Variants in DGCR2 observed in about 807,000 individuals in gnomAD.
The protein encoded by DGCR2 is integral membrane protein DGCR2/IDD.
DGCR2 carries 24 observed loss-of-function variants against 51.6 expected under a neutral mutation model. The observed-to-expected ratio is 0.47, with a 90% confidence interval of 0.34 to 0.65. DGCR2 has a LOEUF of 0.65. DGCR2 is among the 30% of genes least tolerant of loss of function. The probability of loss-of-function intolerance (pLI) is 0.01; values close to 1 mark genes in which losing one functional copy is unlikely to be tolerated. For synonymous variants in DGCR2, 340 were observed against 315.4 expected (o/e 1.08, Z -0.82); for missense variants, 765 against 772.1 (o/e 0.99, Z 0.11).
At chr22:19,041,395 G>T in intron 8 of DGCR2, 101 bp from the exon 9 acceptor site, 1 of 1,172,070 alleles carries the variant, frequency 8.5e-7, no homozygotes, top group Non-Finnish European at 1.2e-6. Flanking sequence ...TGCCGTCCCT[G>T]AGTGCACACA....
At chr22:19,090,199 C>T (rs2146014564) in intron 1 of DGCR2, among the ~76,000 whole-genome samples, 1 of 152,242 alleles carries the variant, frequency 6.6e-6, no homozygotes, top group East Asian at 1.9e-4. Context: ...AAAAAATGTG[C>T]AAATCATCAG....
intron 2 of DGCR2, among the ~76,000 whole-genome samples, chr22:19,084,128 T>C (rs1278023900): frequency 2.0e-5 from 3 of 152,124 alleles, no homozygotes; most frequent in Non-Finnish European, 4.4e-5. Flanking sequence ...TTGCAGCCTC[T>C]GCCCGGCCAC....
intron 1 of DGCR2, among the ~76,000 whole-genome samples, chr22:19,118,374 CAAAAAAAAAAAAAA>C (rs923572855): frequency 2.8e-4 from 16 of 56,766 alleles, no homozygotes; most frequent in African/African-American, 1.0e-3. Flanking sequence ...CCATCGCAAA[CAAAAAAAAAAAAAA>C]AAAAAAAAAA....
At chr22:19,101,335 G>A (rs1037738095) in intron 1 of DGCR2, among the ~76,000 whole-genome samples, 4 of 152,146 alleles carry the variant, frequency 2.6e-5, no homozygotes, top group Non-Finnish European at 5.9e-5. Flanking sequence ...TGACAGATGG[G>A]AGGATAAATA....
chr22:19,104,311 C>T (rs2083238903), intron 1 of DGCR2, among the ~76,000 whole-genome samples: 1 of 152,174 alleles, frequency 6.6e-6, no homozygotes, highest in Non-Finnish European at 1.5e-5. Context: ...TAGAAACCCA[C>T]GAGTCTCTGC....
chr22:19,105,784 G>A (rs2083255478), intron 1 of DGCR2, among the ~76,000 whole-genome samples: 1 of 152,160 alleles, frequency 6.6e-6, no homozygotes. Flanking sequence ...ACAGTGCACA[G>A]ACCATCCCAG....
chr22:19,056,842 C>T, intron 6 of DGCR2, 144 bp downstream of exon 6: 1 of 925,414 alleles, frequency 1.1e-6, no homozygotes, highest in Non-Finnish European at 1.6e-6. Context: ...CAAATGGGCC[C>T]CAAGAACAAG....
intron 1 of DGCR2, among the ~76,000 whole-genome samples, chr22:19,093,268 G>A (rs1449623795): frequency 2.6e-5 from 4 of 151,912 alleles, no homozygotes; most frequent in Non-Finnish European, 4.4e-5. Context: ...GCTGAGGCAG[G>A]AGAATCGCTT....
intron 6 of DGCR2, among the ~76,000 whole-genome samples, chr22:19,052,390 T>C (rs2082557452): frequency 6.6e-6 from 1 of 150,702 alleles, no homozygotes. Flanking sequence ...CACTCCAGCC[T>C]GGGCAACAGA....
At chr22:19,067,734 A>C (rs544412743) in intron 3 of DGCR2, among the ~76,000 whole-genome samples, 2 of 151,814 alleles carry the variant, frequency 1.3e-5, no homozygotes, top group East Asian at 3.9e-4. Flanking sequence ...ATAAATAAGG[A>C]GTCGAGCCTT....
intron 5 of DGCR2, among the ~76,000 whole-genome samples, chr22:19,058,545 T>G (rs982896253): frequency 2.0e-5 from 3 of 152,154 alleles, no homozygotes; most frequent in African/African-American, 7.2e-5. Flanking sequence ...CTCACCTAAG[T>G]AGAGCCCCTC....
At chr22:19,109,622 G>T (rs1462006324) in intron 1 of DGCR2, among the ~76,000 whole-genome samples, 1 of 152,178 alleles carries the variant, frequency 6.6e-6, no homozygotes, top group Non-Finnish European at 1.5e-5. Flanking sequence ...TGGAGAGAGA[G>T]ATAAAAGGGA....
In DGCR2 at chr22:19,041,249, C is replaced by A. The variant is rs762065806; in HGVS notation, c.1205G>T (p.Gly402Val). Residue 402 changes from glycine (G) to valine (V), a missense_variant, in exon 9 of 10, where the codon GGC becomes GTC. Physicochemically the swap from Gly to Val is moderately radical, Grantham distance 109. Coordinates refer to ENST00000263196, the MANE Select transcript of DGCR2 (RefSeq NM_005137.3). ...GAGGCCCGTGCCAAACCCGTCTGGG[C>A]CGTAATCAAAGCCAGGGATCCTGCG... ...LGRRIPGFDY[G>V]PDGFGTGLTP... 8 of 1,613,954 alleles carry A rather than the reference C, an allele frequency of 5.0e-6. No individual in the cohort carries two copies. Among genetic ancestry groups the A allele is most frequent in the Non-Finnish European group, 5.9e-6 (7 of 1,180,008 alleles).
chr22:19,093,280 A>C (rs545596812), intron 1 of DGCR2, among the ~76,000 whole-genome samples: 6 of 152,046 alleles, frequency 3.9e-5, no homozygotes, highest in African/African-American at 1.4e-4. Flanking sequence ...GAATCGCTTG[A>C]ATCTGGGAGG....
intron 2 of DGCR2, among the ~76,000 whole-genome samples, chr22:19,085,552 G>T (rs889788977): frequency 2.0e-5 from 3 of 152,202 alleles, no homozygotes; most frequent in African/African-American, 7.2e-5. Context: ...CTGCCAGGTG[G>T]TTCTGAGTGC....
intron 1 of DGCR2, among the ~76,000 whole-genome samples, chr22:19,114,209 A>C (rs2083349695): frequency 6.6e-6 from 1 of 152,050 alleles, no homozygotes; most frequent in Admixed American, 6.6e-5. Context: ...ATCTCAAAAT[A>C]AGTTAAATAC....
intron 2 of DGCR2, 111 bp from the exon 3 acceptor site, chr22:19,068,336 G>C (rs936324659): frequency 2.3e-6 from 3 of 1,302,624 alleles, no homozygotes; most frequent in African/African-American, 3.0e-5. Flanking sequence ...GGGGCCTGTA[G>C]CACAGAGTCC....
At chr22:19,060,993 A>T (rs75862156) in intron 5 of DGCR2, 6,294 of 293,348 alleles carry the variant, frequency 0.021, 229 homozygotes, top group Admixed American at 0.074. Context: ...GATGGACAAC[A>T]TGTAGATGAA....
chr22:19,057,362 A>G lies in DGCR2; in HGVS notation c.626-200T>C, dbSNP rs1444231308. Among the ~76,000 whole-genome samples, 2 of 152,184 alleles carry G rather than the reference A, an allele frequency of 1.3e-5. No individual in the cohort carries two copies. Among genetic ancestry groups the G allele is most frequent in the African/African-American group, 4.8e-5 (2 of 41,436 alleles). ...CACCCCAGGTGCTGGGCCTAGCGGGAGCCACTCCTTGGAGCCTGCAAGCAC... is the reference window on the plus strand; with the variant it reads ...CACCCCAGGTGCTGGGCCTAGCGGGGGCCACTCCTTGGAGCCTGCAAGCAC... On this transcript the variant is annotated intron_variant, in intron 5 of 9. Coordinates refer to ENST00000263196, the MANE Select transcript of DGCR2 (RefSeq NM_005137.3). The surrounding 1 kb of genome is among the most constrained non-coding windows in gnomAD (Gnocchi z 5.1).
Sources: gnomAD v4.1 joint callset for allele counts (sites outside exome capture counted in the v4.1 genomes callset) on GRCh38, gnomAD v4.1.1 for gene constraint, Gnocchi (gnomAD v3.1) non-coding constraint, MANE v1.5 for transcripts, NCBI Gene and HGNC (gene_info 2026-07-23, HGNC 2026-07-21) for gene names.